Variants in WDR93 observed in about 807,000 individuals in gnomAD.
The protein encoded by WDR93 is WD repeat domain 93, also known as WD repeat-containing protein 93.
Under a neutral mutation model 82.9 loss-of-function variants are expected in WDR93, and 73 were observed. The observed-to-expected ratio is 0.88, with a 90% CI of 0.73 to 1.07. The LOEUF is 1.07. Ranked by LOEUF, WDR93 falls within the 50% of genes least tolerant of loss-of-function variation. The pLI is 0.00. For synonymous variants in WDR93, 283 were observed against 300.1 expected, an observed-to-expected ratio of 0.94 and a Z score of 0.59; for missense variants, 738 against 826.0, an observed-to-expected ratio of 0.89 and a Z score of 1.31.
rs202183075 is a variant in WDR93, at chr15:89,740,507, G to GTTT, written c.1961+2274_1961+2276dup. On this transcript the variant is annotated intron_variant, in intron 16 of 16. Coordinates refer to ENST00000268130, the MANE Select transcript of WDR93 (RefSeq NM_020212.2). ...GGGAGGGTTTTTGTTTTTTGTTTTT[G>GTTT]TTTTTGTTTTTGAAACAGAGTTTCA... Among the ~76,000 whole-genome samples the GTTT allele has an allele frequency of 1.7e-3, 252 of 151,950 alleles. 1 individual carries two copies. Among genetic ancestry groups the GTTT allele is most frequent in the African/African-American group, 5.8e-3 (241 of 41,364 alleles).
At chr15:89,716,819 T>C in intron 6 of WDR93, 92 bp from the exon 7 acceptor site, 1 of 890,938 alleles carries the variant, frequency 1.1e-6, no homozygotes. Flanking sequence ...ACAAGAGTAA[T>C]TGAGGGGAAG....
At chr15:89,706,971 T>C (rs1965752914) in intron 4 of WDR93, among the ~76,000 whole-genome samples, 1 of 152,140 alleles carries the variant, frequency 6.6e-6, no homozygotes, top group African/African-American at 2.4e-5. Context: ...AAAACTTCTG[T>C]AAAAGATATT....
chr15:89,705,619 G>T lies in WDR93; in HGVS notation c.561+1G>T. 6.4e-7 allele frequency: 1 copy of T among 1,556,094 alleles called. No individual in the cohort carries two copies. Among genetic ancestry groups the T allele is most frequent in the Non-Finnish European group, 8.9e-7 (1 of 1,127,196 alleles). ...CCTAGTCAAAGCCATCAATGAAGTG[G>T]TGAGTTCCTATTCTTTCACCATTAG... is the stretch of plus-strand genomic sequence containing the variant. On this transcript the variant is annotated splice_donor_variant, in intron 4 of 16. Transcript: ENST00000268130. LOFTEE classifies it high-confidence loss of function.
At chr15:89,716,889 A>G (rs767036371) in intron 6 of WDR93, 22 bp from the exon 7 acceptor site, 2 of 1,528,726 alleles carry the variant, frequency 1.3e-6, no homozygotes, top group East Asian at 4.7e-5. Context: ...ATTGTGAATT[A>G]ATTTCTCATT....
chr15:89,712,797 A>G (rs1054904670), intron 5 of WDR93, among the ~76,000 whole-genome samples: 3 of 152,060 alleles, frequency 2.0e-5, no homozygotes, highest in African/African-American at 7.2e-5. Context: ...GCAAGTCACT[A>G]CATCCAGACC....
At chr15:89,737,978 GA>G in intron 15 of WDR93, 62 bp from the exon 16 acceptor site, 5 of 1,522,890 alleles carry the variant, frequency 3.3e-6, no homozygotes, top group Non-Finnish European at 3.5e-6. Flanking sequence ...TGCTCACCTG[GA>G]CCACAGAGCC....
At chr15:89,736,983 A>G (rs184321647) in intron 14 of WDR93, among the ~76,000 whole-genome samples, 4,600 of 152,060 alleles carry the variant, frequency 0.03, 95 homozygotes, top group Non-Finnish European at 0.042. Context: ...AGTAGAGACG[A>G]GGTTTCACCG....
At chr15:89,710,335 A>C (rs980329738) in intron 4 of WDR93, among the ~76,000 whole-genome samples, 1 of 152,244 alleles carries the variant, frequency 6.6e-6, no homozygotes, top group African/African-American at 2.4e-5. Context: ...CAGACACAAA[A>C]GAGTAGGTTC....
At chr15:89,741,119 G>A (rs1359882948) in intron 16 of WDR93, among the ~76,000 whole-genome samples, 2 of 151,462 alleles carry the variant, frequency 1.3e-5, no homozygotes, top group African/African-American at 4.9e-5. Context: ...CAGCCTGGGC[G>A]ACAGAGCAAG....
rs555857993 is a variant in WDR93, at chr15:89,702,699, C to T, written c.304-251C>T. ...GATTACAGGGATATGCCACCATGCC[C>T]GGATAATTTTTATATTTTTAGTAGA... On this transcript the variant is annotated intron_variant, in intron 2 of 16. Coordinates refer to ENST00000268130, the MANE Select transcript of WDR93 (RefSeq NM_020212.2). 3.5e-3 allele frequency among the ~76,000 whole-genome samples: 538 copies of T among 152,090 alleles called. 2 individuals carry two copies. The highest frequency in any genetic ancestry group is 6.7e-3 in the Non-Finnish European group (452 of 67,968).
chr15:89,725,843 T>C (rs1274064867), intron 8 of WDR93, among the ~76,000 whole-genome samples: 1 of 152,172 alleles, frequency 6.6e-6, no homozygotes, highest in East Asian at 1.9e-4. Flanking sequence ...ATTATAGGCA[T>C]GAGCTACCGC....
intron 2 of WDR93, among the ~76,000 whole-genome samples, chr15:89,702,613 C>T (rs1360564996): frequency 1.3e-5 from 2 of 150,496 alleles, no homozygotes. Flanking sequence ...GATCTCGGCT[C>T]ACTGTAACCT....
chr15:89,722,171 C>A, intron 8 of WDR93, 32 bp downstream of exon 8: 2 of 1,449,688 alleles, frequency 1.4e-6, no homozygotes, highest in Non-Finnish European at 1.9e-6. Context: ...CTCCTTTTGC[C>A]ATTGATTTAT....
chr15:89,741,963 G>C (rs1442778654), intron 16 of WDR93, among the ~76,000 whole-genome samples: 4 of 152,178 alleles, frequency 2.6e-5, no homozygotes, highest in African/African-American at 9.6e-5. Context: ...ATGTTGGCCA[G>C]GATGGTATCG....
Position 89,695,813 on chromosome 15 carries a change from C to CTTTTTTT in WDR93, c.-41+4971_-41+4977dup, listed in dbSNP as rs58664153. Reference sequence around the variant, plus strand: ...CTCCAAAAAACTCCCTCATGCTGTCCTTTTTTTTTTTTTTTTTTTTTGAGA... The same window carrying CTTTTTTT: ...CTCCAAAAAACTCCCTCATGCTGTCCTTTTTTTTTTTTTTTTTTTTTTTTTTTTGAGA... On this transcript the variant is annotated intron_variant, in intron 1 of 16. Coordinates refer to ENST00000268130, the MANE Select transcript of WDR93 (RefSeq NM_020212.2). Among the ~76,000 whole-genome samples the CTTTTTTT allele has an allele frequency of 1.1e-4, 11 of 99,310 alleles. 1 individual carries two copies. The highest frequency in any genetic ancestry group is 2.1e-4 in the African/African-American group (5 of 24,114). The allele number at this position is 99,310 out of a possible 152,430, so 65.2% of individuals were successfully genotyped here.
intron 16 of WDR93, among the ~76,000 whole-genome samples, chr15:89,738,603 G>A (rs1437409513): frequency 6.8e-6 from 1 of 146,472 alleles, no homozygotes; most frequent in Non-Finnish European, 1.5e-5. Context: ...CTCCAGCCTA[G>A]GTGACAGAGC....
intron 4 of WDR93, among the ~76,000 whole-genome samples, chr15:89,710,538 C>T (rs1241505018): frequency 6.6e-6 from 1 of 151,994 alleles, no homozygotes; most frequent in African/African-American, 2.4e-5. Flanking sequence ...CAAAACTCAT[C>T]AAGTTATGCA....
intron 1 of WDR93, among the ~76,000 whole-genome samples, chr15:89,696,026 A>G (rs1423387342): frequency 6.6e-6 from 1 of 151,996 alleles, no homozygotes; most frequent in Non-Finnish European, 1.5e-5. Flanking sequence ...CATGTTGCCC[A>G]GGCTGGTCTT....
At chr15:89,708,021 G>C (rs1475409580) in intron 4 of WDR93, among the ~76,000 whole-genome samples, 1 of 152,182 alleles carries the variant, frequency 6.6e-6, no homozygotes, top group Admixed American at 6.5e-5. Flanking sequence ...TATGTTAAGT[G>C]AAAGAAGTCA....
Sources: allele counts gnomAD v4.1 joint callset (sites outside exome capture counted in the v4.1 genomes callset), GRCh38; gene constraint gnomAD v4.1.1; transcripts MANE v1.5; gene names NCBI Gene and HGNC (gene_info 2026-07-23, HGNC 2026-07-21).